The following NWD2 variants were observed in gnomAD, a reference collection of about 807,000 sequenced individuals.
NWD2 encodes NACHT and WD repeat domain-containing protein 2.
A neutral mutation model predicts 132.7 loss-of-function variants in NWD2; 37 were observed. The ratio of observed to expected loss-of-function variants is 0.28; its 90% CI spans 0.21 to 0.37. NWD2 has a LOEUF of 0.37. NWD2 is among the 10% of genes least tolerant of loss of function. The pLI, the probability that NWD2 is intolerant of heterozygous loss-of-function variation, is 1.00. For missense variants in NWD2, 1,592 were observed against 2,122.4 expected, an observed-to-expected ratio of 0.75 and a Z score of 4.91; for synonymous variants, 705 against 803.0, an observed-to-expected ratio of 0.88 and a Z score of 2.06.
chr4:37,272,235 T>A (rs1444645009), intron 1 of NWD2, among the ~76,000 whole-genome samples: 1 of 151,770 alleles, frequency 6.6e-6, no homozygotes, highest in African/African-American at 2.4e-5. Flanking sequence ...TTTGTTTGTT[T>A]TCTCAGGAAG....
At position 37,444,558 on chromosome 4, in the gene NWD2, A is replaced by G; in HGVS notation, c.2570A>G (p.Asn857Ser). 1 of 1,551,788 alleles carries G rather than the reference A, an allele frequency of 6.4e-7. No individual in the cohort carries two copies. Among genetic ancestry groups the G allele is most frequent in the Non-Finnish European group, 8.7e-7 (1 of 1,147,018 alleles). ...TDDLLYGIIM[N>S]FSWLYTMIKI... ...GACCTGCTTTACGGCATCATCATGA[A>G]CTTCAGCTGGCTTTATACCATGATC... The change falls in exon 7 of 7, where the codon AAC becomes AGC. Residue 857 changes from asparagine to serine, a missense_variant. Asn to Ser is a conservative substitution (Grantham distance 46). Transcript: ENST00000309447. This position sits in a 1 kb window ranked among gnomAD's most constrained non-coding sequence, Gnocchi z 4.8.
intron 3 of NWD2, among the ~76,000 whole-genome samples, chr4:37,405,950 C>G (rs1175431798): frequency 1.3e-5 from 2 of 152,086 alleles, no homozygotes. Flanking sequence ...GAACCAGAAC[C>G]CAGAATTGAA....
At chr4:37,430,981 C>G (rs188693263) in intron 4 of NWD2, among the ~76,000 whole-genome samples, 15 of 152,212 alleles carry the variant, frequency 9.9e-5, no homozygotes, top group African/African-American at 3.6e-4. Context: ...CACTTTACAC[C>G]TGTTAGGATG....
At chr4:37,388,472 C>G (rs1720613477) in intron 3 of NWD2, among the ~76,000 whole-genome samples, 1 of 152,038 alleles carries the variant, frequency 6.6e-6, no homozygotes, top group South Asian at 2.1e-4. Flanking sequence ...GCGTGAGCCA[C>G]CACGCCTAGC....
chr4:37,349,661 T>G (rs1484684607), intron 2 of NWD2, among the ~76,000 whole-genome samples: 1 of 152,356 alleles, frequency 6.6e-6, no homozygotes, highest in South Asian at 2.1e-4. Flanking sequence ...TGATAGTTTC[T>G]TTTGCTGTGC....
intron 3 of NWD2, among the ~76,000 whole-genome samples, chr4:37,364,939 T>G (rs80353788): frequency 6.6e-6 from 1 of 152,160 alleles, no homozygotes. Flanking sequence ...AGCAAGTTTG[T>G]TTTTTCACTA....
At position 37,445,678 on chromosome 4, in the gene NWD2, C is replaced by T; in HGVS notation, c.3690C>T (p.His1230=). ...TGGCTGAAAAGTTCAGAGCCAAGCA[C>T]AACGAACGCTTTATATCTGCCGTGC... is the stretch of plus-strand genomic sequence containing the variant. ...WKVAEKFRAK[H]NERFISAVLS... The change falls in exon 7 of 7, where the codon CAC becomes CAT. Residue 1230 remains histidine (H), a synonymous_variant. Transcript: ENST00000309447. This position sits in a 1 kb window ranked among gnomAD's most constrained non-coding sequence, Gnocchi z 4.7. The T allele has an allele frequency of 6.4e-7, 1 of 1,552,056 alleles. No homozygotes were observed.
chr4:37,412,294 A>T (rs558792115), intron 3 of NWD2, among the ~76,000 whole-genome samples: 2 of 152,350 alleles, frequency 1.3e-5, no homozygotes, highest in Admixed American at 1.3e-4. Flanking sequence ...AAGTCTCAGG[A>T]TATAAAATCA....
At position 37,443,174 on chromosome 4, in the gene NWD2, T is replaced by C. The variant is rs1405991949; in HGVS notation, c.1297-111T>C. ...TTTCCAATTTTTGGTCCTAAGCTAT[T>C]TCCTGCACAGCAGAGGAGACCAGAA... On this transcript the variant is annotated intron_variant, in intron 6 of 6. Coordinates refer to ENST00000309447, the MANE Select transcript of NWD2 (RefSeq NM_001144990.2). The surrounding 1 kb of genome is among the most constrained non-coding windows in gnomAD (Gnocchi z 4.1). 3 of 972,250 alleles carry C rather than the reference T, an allele frequency of 3.1e-6. No homozygotes were observed. Among genetic ancestry groups the C allele is most frequent in the East Asian group, 5.3e-5 (2 of 37,986 alleles). The allele number at this position is 972,250 out of a possible 1,614,324, so 60.2% of individuals were successfully genotyped here. A position where few individuals can be genotyped will look rare whatever the true frequency, so the allele number is the denominator to read the frequency against.
intron 2 of NWD2, among the ~76,000 whole-genome samples, chr4:37,328,405 C>T (rs1313438216): frequency 2.0e-5 from 3 of 152,006 alleles, no homozygotes; most frequent in East Asian, 3.9e-4. Context: ...AGCCCCCCAC[C>T]CCCAGCAGGC....
intron 1 of NWD2, among the ~76,000 whole-genome samples, chr4:37,272,809 C>A (rs55711293): frequency 0.16 from 24,512 of 151,484 alleles, 2,545 homozygotes; most frequent in South Asian, 0.32. Flanking sequence ...GTTTAATTTG[C>A]CCTTTTTCTG....
chr4:37,285,090 G>A (rs960809794), intron 1 of NWD2, among the ~76,000 whole-genome samples: 5 of 151,842 alleles, frequency 3.3e-5, no homozygotes, highest in Admixed American at 1.3e-4. Context: ...GTTAACACTC[G>A]TTTCTACACC....
At chr4:37,251,714 A>G (rs1169567631) in intron 1 of NWD2, among the ~76,000 whole-genome samples, 7 of 152,262 alleles carry the variant, frequency 4.6e-5, no homozygotes, top group African/African-American at 1.4e-4. Flanking sequence ...GGACCCTAGC[A>G]ACAAGCAAGT....
chr4:37,348,977 C>G (rs574495072), intron 2 of NWD2, among the ~76,000 whole-genome samples: 78 of 151,976 alleles, frequency 5.1e-4, no homozygotes, highest in Non-Finnish European at 9.7e-4. Flanking sequence ...ATGATGGTTT[C>G]CAGCTTCATC....
chr4:37,284,187 G>A (rs557649479), intron 1 of NWD2, among the ~76,000 whole-genome samples: 2 of 152,260 alleles, frequency 1.3e-5, no homozygotes, highest in South Asian at 2.1e-4. Flanking sequence ...GGGGTCTGGT[G>A]AGAGCTCGCT....
intron 2 of NWD2, among the ~76,000 whole-genome samples, chr4:37,335,304 G>GC (rs1288098750): frequency 1.7e-5 from 2 of 115,950 alleles, no homozygotes; most frequent in South Asian, 3.5e-4. Flanking sequence ...GGTGGGCGGG[G>GC]GGGGGGGGCT....
At chr4:37,340,337 C>T in intron 2 of NWD2, among the ~76,000 whole-genome samples, 1 of 152,176 alleles carries the variant, frequency 6.6e-6, no homozygotes, top group East Asian at 1.9e-4. Flanking sequence ...CATGTGTTAC[C>T]TCCTCATTGG....
intron 2 of NWD2, among the ~76,000 whole-genome samples, chr4:37,338,687 A>T (rs957796668): frequency 3.9e-4 from 59 of 152,296 alleles, no homozygotes; most frequent in African/African-American, 1.3e-3. Flanking sequence ...TAATTTCTGA[A>T]TTGGGCAATC....
chr4:37,353,602 A>T (rs1003775281), intron 2 of NWD2, among the ~76,000 whole-genome samples: 2 of 151,558 alleles, frequency 1.3e-5, no homozygotes, highest in Admixed American at 6.6e-5. Flanking sequence ...TTGATCTTCA[A>T]TCTCTGATAT....
Sources: allele counts gnomAD v4.1 joint callset (sites outside exome capture counted in the v4.1 genomes callset), GRCh38; gene constraint gnomAD v4.1.1; non-coding constraint Gnocchi (gnomAD v3.1); transcripts MANE v1.5; gene names NCBI Gene and HGNC (gene_info 2026-07-23, HGNC 2026-07-21).